The following QRICH1 variants were observed in gnomAD, a reference collection of about 807,000 sequenced individuals.
The protein encoded by QRICH1 is glutamine rich 1, also known as transcriptional regulator QRICH1.
In QRICH1, 16 loss-of-function variants were observed where a neutral mutation model predicts 87.1. That is an observed-to-expected ratio of 0.18 (90% CI 0.12 to 0.28). The LOEUF (loss-of-function observed/expected upper bound fraction) is 0.28. QRICH1 is among the 10% of genes least tolerant of loss of function. The probability of loss-of-function intolerance (pLI) is 1.00; values close to 1 mark genes in which losing one functional copy is unlikely to be tolerated. For synonymous variants in QRICH1, 367 were observed against 368.4 expected (o/e 1.00, Z 0.05); for missense variants, 647 against 951.7 (o/e 0.68, Z 4.21).
intron 6 of QRICH1, among the ~76,000 whole-genome samples, chr3:49,037,306 G>C (rs747333038): frequency 2.6e-5 from 4 of 152,140 alleles, no homozygotes; most frequent in Non-Finnish European, 5.9e-5. Flanking sequence ...GTAGATACAT[G>C]GGGAAAAAAG....
In QRICH1 at chr3:49,072,685, T is replaced by C. The variant is rs144131366; in HGVS notation, c.309+4024A>G. ...GTGGTCAAGTCAAATTTAAACCCAG[T>C]ACTGAAGCTTCAGAGGCTATGTCCT... On this transcript the variant is annotated intron_variant, in intron 2 of 9. Coordinates refer to ENST00000395443, the MANE Select transcript of QRICH1 (RefSeq NM_198880.3). Among the ~76,000 whole-genome samples, 14 of 152,262 alleles carry C rather than the reference T, an allele frequency of 9.2e-5. No homozygotes were observed. The East Asian group carries it at 2.5e-3, about 27-fold the overall frequency.
At chr3:49,052,284 C>A (rs936908190) in intron 3 of QRICH1, among the ~76,000 whole-genome samples, 3 of 152,118 alleles carry the variant, frequency 2.0e-5, no homozygotes, top group African/African-American at 7.2e-5. Context: ...AGCAGCACTA[C>A]TTTCTGAGAC....
chr3:49,060,008 C>G (rs756843603), intron 2 of QRICH1, among the ~76,000 whole-genome samples: 1 of 151,762 alleles, frequency 6.6e-6, no homozygotes, highest in Non-Finnish European at 1.5e-5. Context: ...TGTCAGCCTC[C>G]CGAGTAGCTG....
At chr3:49,062,822 A>G (rs1403503355) in intron 2 of QRICH1, among the ~76,000 whole-genome samples, 1 of 151,850 alleles carries the variant, frequency 6.6e-6, no homozygotes, top group Non-Finnish European at 1.5e-5. Flanking sequence ...CCTGGCTAAC[A>G]TGGTGAAACC....
intron 6 of QRICH1, among the ~76,000 whole-genome samples, chr3:49,037,073 TAAAAA>T (rs60963227): frequency 3.6e-4 from 33 of 92,598 alleles, no homozygotes; most frequent in African/African-American, 1.3e-3. Flanking sequence ...CCCCGTCTCT[TAAAAA>T]AAAAAAAAAA....
chr3:49,080,905 C>T (rs769672146), intron 1 of QRICH1, among the ~76,000 whole-genome samples: 6 of 143,816 alleles, frequency 4.2e-5, no homozygotes, highest in Non-Finnish European at 9.0e-5. Flanking sequence ...TATGCTTTGA[C>T]CTCTAGTTCT....
chr3:49,083,638 C>T (rs990485276), intron 1 of QRICH1: 1 of 152,102 alleles, frequency 6.6e-6, no homozygotes, highest in Non-Finnish European at 1.5e-5. Flanking sequence ...TGGTTCTCGC[C>T]TGTAGTCCCA....
At chr3:49,081,113 G>A (rs2042050606) in intron 1 of QRICH1, among the ~76,000 whole-genome samples, 1 of 151,630 alleles carries the variant, frequency 6.6e-6, no homozygotes, top group South Asian at 2.1e-4. Flanking sequence ...TCTACTTGCA[G>A]ACTCATTAAT....
chr3:49,035,922 A>AAAC (rs1553739367), intron 6 of QRICH1, among the ~76,000 whole-genome samples: 2 of 149,454 alleles, frequency 1.3e-5, no homozygotes, highest in Admixed American at 6.7e-5. Flanking sequence ...AAAAAAAAAA[A>AAAC]AAAAAACAAA....
At chr3:49,055,111 A>C (rs895382221) in intron 3 of QRICH1, among the ~76,000 whole-genome samples, 1 of 152,196 alleles carries the variant, frequency 6.6e-6, no homozygotes, top group Non-Finnish European at 1.5e-5. Flanking sequence ...CTCTTATTCT[A>C]TTTCTAGGCC....
At chr3:49,066,102 T>C (rs528455204) in intron 2 of QRICH1, among the ~76,000 whole-genome samples, 1 of 152,102 alleles carries the variant, frequency 6.6e-6, no homozygotes, top group South Asian at 2.1e-4. Flanking sequence ...CTGGGCAATG[T>C]GGTGAAACCC....
intron 1 of QRICH1, among the ~76,000 whole-genome samples, chr3:49,091,394 A>C (rs754752231): frequency 1.3e-5 from 2 of 152,144 alleles, no homozygotes; most frequent in Non-Finnish European, 2.9e-5. Context: ...AACTAAAAGA[A>C]AGCATATCCA....
chr3:49,036,696 C>A (rs199507730), intron 6 of QRICH1, among the ~76,000 whole-genome samples: 14 of 146,136 alleles, frequency 9.6e-5, no homozygotes, highest in East Asian at 2.0e-4. Flanking sequence ...AAAGAAAAAA[C>A]AAAAAAAAAA....
intron 9 of QRICH1, among the ~76,000 whole-genome samples, chr3:49,031,448 TA>T (rs2093239019): frequency 6.6e-6 from 1 of 152,176 alleles, no homozygotes; most frequent in Admixed American, 6.5e-5. Context: ...ATTCAAGGGT[TA>T]CTAGTGCCAG....
intron 2 of QRICH1, among the ~76,000 whole-genome samples, chr3:49,073,028 A>G (rs2041873992): frequency 6.6e-6 from 1 of 151,476 alleles, no homozygotes; most frequent in Non-Finnish European, 1.5e-5. Flanking sequence ...GGCAAGTGAA[A>G]TCCTGTCTCT....
At chr3:49,054,915 A>T (rs1461423122) in intron 3 of QRICH1, among the ~76,000 whole-genome samples, 1 of 152,170 alleles carries the variant, frequency 6.6e-6, no homozygotes, top group East Asian at 1.9e-4. Flanking sequence ...TAAATAAACT[A>T]CAGTTCAAAC....
At chr3:49,053,263 T>C (rs7373790) in intron 3 of QRICH1, among the ~76,000 whole-genome samples, 103,638 of 151,770 alleles carry the variant, frequency 0.68, 35,868 homozygotes, top group East Asian at 0.96. Flanking sequence ...CCGAGGCAGG[T>C]GGATCACGAG....
rs2093340510 is a variant in QRICH1 at position 49,046,550 on chromosome 3, G to C, written c.1546C>G (p.Leu516Val). Residue 516 changes from leucine (L) to valine (V), a missense_variant, in exon 5 of 10, where the codon CTC (leucine) becomes GTC (valine). This residue lies in a region of QRICH1 where 187 missense variants were observed against 309.5 expected (regional missense o/e 0.60). Transcript: ENST00000395443. ...AACTCTGCCACAGCAGAGGAGATGA[G>C]ATCTTCCTGGAATCGCAGCAGTTGG... ...RRQLLRFQEDLISSAVAELNY... is the reference protein window; with the variant it reads ...RRQLLRFQEDVISSAVAELNY... 1 of 1,613,408 alleles carries C rather than the reference G, an allele frequency of 6.2e-7. No individual in the cohort carries two copies. Among genetic ancestry groups the C allele is most frequent in the African/African-American group, 1.3e-5 (1 of 74,988 alleles).
At chr3:49,084,612 AAACT>A (rs1405306495) in intron 1 of QRICH1, among the ~76,000 whole-genome samples, 3 of 151,962 alleles carry the variant, frequency 2.0e-5, no homozygotes, top group Non-Finnish European at 4.4e-5. Flanking sequence ...AAAAATACAA[AAACT>A]AACAGGGCAT....
Sources: gnomAD v4.1 joint callset for allele counts (sites outside exome capture counted in the v4.1 genomes callset) on GRCh38, gnomAD v4.1.1 for gene constraint, gnomAD v4.1.1 regional missense constraint, MANE v1.5 for transcripts, NCBI Gene and HGNC (gene_info 2026-07-23, HGNC 2026-07-21) for gene names.